LRRC75A: variants seen among roughly 807,000 people sequenced by gnomAD.
LRRC75A encodes the protein leucine-rich repeat-containing protein 75A.
A neutral mutation model predicts 26.0 loss-of-function variants in LRRC75A; 12 were observed. The ratio of observed to expected loss-of-function variants is 0.46; its 90% confidence interval spans 0.30 to 0.75. LRRC75A has a LOEUF of 0.75. Ranked by LOEUF, LRRC75A falls within the 30% of genes least tolerant of loss-of-function variation. The probability of loss-of-function intolerance (pLI) is 0.08; values close to 1 mark genes in which losing one functional copy is unlikely to be tolerated. For missense variants in LRRC75A, 410 were observed against 486.6 expected, an observed-to-expected ratio of 0.84 and a Z score of 1.48; for synonymous variants, 223 against 219.3, an observed-to-expected ratio of 1.02 and a Z score of -0.15.
intron 2 of LRRC75A, among the ~76,000 whole-genome samples, chr17:16,452,520 C>A (rs997166274): frequency 6.6e-6 from 1 of 151,974 alleles, no homozygotes; most frequent in Admixed American, 6.6e-5. Flanking sequence ...TCACTGCAAC[C>A]TCCATCTCCC....
At chr17:16,478,883 T>C (rs1017891936) in intron 1 of LRRC75A, among the ~76,000 whole-genome samples, 1 of 152,214 alleles carries the variant, frequency 6.6e-6, no homozygotes, top group African/African-American at 2.4e-5. Flanking sequence ...TTCAGAGGAC[T>C]GGCACGTCCT....
At chr17:16,483,880 T>C (rs2093840251) in intron 1 of LRRC75A, among the ~76,000 whole-genome samples, 2 of 152,270 alleles carry the variant, frequency 1.3e-5, no homozygotes, top group Admixed American at 1.3e-4. Context: ...GACTGGTGCC[T>C]GGAGGAACAG....
chr17:16,444,181 C>A, intron 3 of LRRC75A, 50 bp from the exon 4 acceptor site: 4 of 1,435,092 alleles, frequency 2.8e-6, no homozygotes, highest in Admixed American at 4.6e-5. Context: ...GCAGGCCTTT[C>A]CCCCAGAAGC....
chr17:16,486,219 T>TGG (rs1312072705), intron 1 of LRRC75A, among the ~76,000 whole-genome samples: 1 of 152,176 alleles, frequency 6.6e-6, no homozygotes, highest in Non-Finnish European at 1.5e-5. Context: ...GGTCCATGGA[T>TGG]GGAGGCCAGG....
At chr17:16,479,875 G>A (rs1462073471) in intron 1 of LRRC75A, among the ~76,000 whole-genome samples, 1 of 152,198 alleles carries the variant, frequency 6.6e-6, no homozygotes, top group Admixed American at 6.5e-5. Context: ...ATTTGGAGCA[G>A]GGGTCCCAAA....
At position 16,491,928 on chromosome 17, in the gene LRRC75A, G is replaced by A. The variant is rs1377985116; in HGVS notation, c.63C>T (p.Gly21=). 26 of 1,249,236 alleles carry A rather than the reference G, an allele frequency of 2.1e-5. No homozygotes were observed. Among genetic ancestry groups the A allele is most frequent in the East Asian group, 3.5e-5 (1 of 28,446 alleles). The allele number at this position is 1,249,236 out of a possible 1,614,324, so 77.4% of individuals were successfully genotyped here. A position where few individuals can be genotyped will look rare whatever the true frequency, so the allele number is the denominator to read the frequency against. Residue 21 remains glycine, a synonymous_variant, in exon 1 of 4, where the codon GGC becomes GGT. Transcript: ENST00000470794. The surrounding 1 kb of genome is among the most constrained non-coding windows in gnomAD (Gnocchi z 5.9). ...AGAAGTCCGGCCGTTCGCGTCGGGGGCCCGGCGCGGCGCCGGGGCTGGCTC... is the reference window on the plus strand; with the variant it reads ...AGAAGTCCGGCCGTTCGCGTCGGGGACCCGGCGCGGCGCCGGGGCTGGCTC... ...AERASPGAAP[G]PRRERPDFWA...
rs2093832105 is a variant in LRRC75A at position 16,480,739 on chromosome 17, C to T, written c.246+11006G>A. ...TCCTGAGGCTGTCCCTCCCCATCTC[C>T]TTCTCCTGCTACAGGGAAGGGGCAG... is the stretch of plus-strand genomic sequence containing the variant. On this transcript the variant is annotated intron_variant, in intron 1 of 3. Coordinates refer to ENST00000470794, the MANE Select transcript of LRRC75A (RefSeq NM_001113567.3). Among the ~76,000 whole-genome samples, 2 of 152,198 alleles carry T rather than the reference C, an allele frequency of 1.3e-5. 1 individual carries two copies. The highest frequency in any genetic ancestry group is 4.8e-5 in the African/African-American group (2 of 41,442).
chr17:16,460,363 A>C (rs1250830042), intron 2 of LRRC75A, among the ~76,000 whole-genome samples: 1 of 152,240 alleles, frequency 6.6e-6, no homozygotes, highest in Non-Finnish European at 1.5e-5. Context: ...AGGGAAGATC[A>C]GAAGGCAGGA....
At chr17:16,457,186 C>A (rs1388699976) in intron 2 of LRRC75A, among the ~76,000 whole-genome samples, 1 of 152,212 alleles carries the variant, frequency 6.6e-6, no homozygotes, top group East Asian at 1.9e-4. Context: ...ACAAGCACAG[C>A]CCTCCACTGC....
chr17:16,448,090 G>C, intron 2 of LRRC75A, 130 bp from the exon 3 acceptor site: 1 of 801,316 alleles, frequency 1.2e-6, no homozygotes, highest in Non-Finnish European at 2.1e-6. Flanking sequence ...TGCTCTGCTG[G>C]CCTAGGGTGG....
chr17:16,462,300 G>A lies in LRRC75A; in HGVS notation c.333C>T (p.Asp111=). The change falls in exon 2 of 4, where the codon GAC becomes GAT. Residue 111 remains aspartate (D), a synonymous_variant. Transcript: ENST00000470794. The surrounding 1 kb of genome is among the most constrained non-coding windows in gnomAD (Gnocchi z 4.6). ...TGTAGCGTGCCAGGCTGATGATGAG[G>A]TCGTGTGTGATGGGGTCCACCAGGT... The part of the protein sequence containing the change: ...FRNLVDPITH[D]LIISLARYIH... The A allele has an allele frequency of 1.9e-6, 3 of 1,614,188 alleles. No individual in the cohort carries two copies. In the South Asian group the frequency reaches 3.3e-5, roughly 18 times the overall value.
At chr17:16,475,660 C>T (rs896930763) in intron 1 of LRRC75A, among the ~76,000 whole-genome samples, 8 of 152,186 alleles carry the variant, frequency 5.3e-5, no homozygotes, top group Non-Finnish European at 4.4e-5. Flanking sequence ...CCTGTAGTCC[C>T]GCTATTTGGG....
chr17:16,449,122 T>C (rs1425124669), intron 2 of LRRC75A, among the ~76,000 whole-genome samples: 1 of 152,192 alleles, frequency 6.6e-6, no homozygotes, highest in Non-Finnish European at 1.5e-5. Flanking sequence ...ATGCAAGCGC[T>C]GGACTCAGAT....
At chr17:16,482,001 T>C (rs1158056070) in intron 1 of LRRC75A, among the ~76,000 whole-genome samples, 1 of 152,126 alleles carries the variant, frequency 6.6e-6, no homozygotes, top group African/African-American at 2.4e-5. Context: ...GCGCGGTGTC[T>C]ACTGGGCGGT....
chr17:16,478,047 T>G (rs1036169481), intron 1 of LRRC75A, among the ~76,000 whole-genome samples: 5 of 151,092 alleles, frequency 3.3e-5, no homozygotes, highest in Non-Finnish European at 7.4e-5. Context: ...GTCCCTGCTC[T>G]CACCCTGAGG....
At chr17:16,457,494 C>T (rs1018406676) in intron 2 of LRRC75A, among the ~76,000 whole-genome samples, 1 of 152,132 alleles carries the variant, frequency 6.6e-6, no homozygotes, top group African/African-American at 2.4e-5. Context: ...ATTCTGATTC[C>T]CCCACTTCGG....
intron 1 of LRRC75A, among the ~76,000 whole-genome samples, chr17:16,469,573 G>A (rs561604462): frequency 7.2e-4 from 110 of 152,314 alleles, no homozygotes; most frequent in African/African-American, 2.5e-3. Flanking sequence ...CACCTCTCAG[G>A]GCTCTGGCTT....
intron 2 of LRRC75A, among the ~76,000 whole-genome samples, chr17:16,450,186 G>A (rs368537173): frequency 4.8e-4 from 73 of 152,344 alleles, no homozygotes; most frequent in African/African-American, 1.1e-3. Flanking sequence ...AGATACTTTC[G>A]TTATTCCCAT....
chr17:16,489,291 C>A (rs943219774), intron 1 of LRRC75A, among the ~76,000 whole-genome samples: 2 of 152,198 alleles, frequency 1.3e-5, no homozygotes, highest in Admixed American at 6.5e-5. Flanking sequence ...ACTGTCCTCG[C>A]TGCTGCCCCT....
Sources: gnomAD v4.1 joint callset for allele counts (sites outside exome capture counted in the v4.1 genomes callset) on GRCh38, gnomAD v4.1.1 for gene constraint, Gnocchi (gnomAD v3.1) non-coding constraint, MANE v1.5 for transcripts, NCBI Gene and HGNC (gene_info 2026-07-23, HGNC 2026-07-21) for gene names.